ABCC4: variants seen among roughly 807,000 people sequenced by gnomAD.
ABCC4 encodes ATP-binding cassette sub-family C member 4.
Under a neutral mutation model 168.5 loss-of-function variants are expected in ABCC4, and 102 were observed. The ratio of observed to expected loss-of-function variants is 0.61; its 90% CI spans 0.52 to 0.71. The LOEUF (loss-of-function observed/expected upper bound fraction) is 0.71. Among genes scored for constraint, ABCC4 ranks in the 30% least tolerant of loss-of-function variants. The probability of loss-of-function intolerance (pLI) is 0.00; values close to 1 mark genes in which losing one functional copy is unlikely to be tolerated. For synonymous variants in ABCC4, 617 were observed against 590.7 expected, an observed-to-expected ratio of 1.04 and a Z score of -0.65; for missense variants, 1,402 against 1,605.8, an observed-to-expected ratio of 0.87 and a Z score of 2.17.
At chr13:95,057,280 G>A (rs1045738964) in intron 26 of ABCC4, among the ~76,000 whole-genome samples, 25 of 151,240 alleles carry the variant, frequency 1.7e-4, no homozygotes, top group African/African-American at 5.6e-4. Flanking sequence ...TCCCTCTGTC[G>A]CCAGGCTGGA....
chr13:95,292,476 C>T (rs73551407), intron 1 of ABCC4, among the ~76,000 whole-genome samples: 2,018 of 152,238 alleles, frequency 0.013, 39 homozygotes, highest in African/African-American at 0.046. Context: ...CAAAGGAGAG[C>T]GGCTCTGAAC....
At chr13:95,164,335 G>A (rs2037202623) in intron 16 of ABCC4, 43 bp downstream of exon 16, 3 of 1,610,180 alleles carry the variant, frequency 1.9e-6, no homozygotes, top group East Asian at 2.2e-5. Flanking sequence ...CATAGGTACT[G>A]TAAATATCAT....
chr13:95,182,658 G>A (rs1221469600), intron 11 of ABCC4, among the ~76,000 whole-genome samples: 1 of 152,206 alleles, frequency 6.6e-6, no homozygotes, highest in East Asian at 1.9e-4. Context: ...CCTCACAATA[G>A]CCTATGAGGT....
At chr13:95,198,485 T>C in intron 8 of ABCC4, among the ~76,000 whole-genome samples, 1 of 152,070 alleles carries the variant, frequency 6.6e-6, no homozygotes, top group East Asian at 1.9e-4. Context: ...TGTGGAGAAA[T>C]AGGAACACTT....
At chr13:95,179,249 A>G (rs1240970998) in intron 11 of ABCC4, among the ~76,000 whole-genome samples, 1 of 152,180 alleles carries the variant, frequency 6.6e-6, no homozygotes, top group Non-Finnish European at 1.5e-5. Context: ...CACCCGCCCC[A>G]TCTTCACAGT....
chr13:95,075,917 G>A (rs2033884118), intron 21 of ABCC4, among the ~76,000 whole-genome samples: 1 of 152,084 alleles, frequency 6.6e-6, no homozygotes, highest in Admixed American at 6.5e-5. Context: ...GAGCCAGTAG[G>A]ATTTTAAAAA....
chr13:95,157,649 C>T (rs939636575), intron 19 of ABCC4, among the ~76,000 whole-genome samples: 5 of 152,094 alleles, frequency 3.3e-5, no homozygotes, highest in African/African-American at 9.7e-5. Context: ...ATCAGGTTAA[C>T]GAAAGGCCAG....
At chr13:95,025,303 G>C (rs1243090294) in intron 30 of ABCC4, among the ~76,000 whole-genome samples, 1 of 4,838 alleles carries the variant, frequency 2.1e-4, no homozygotes, top group South Asian at 6.2e-3. Context: ...ACCCACATAC[G>C]CCCACCCCCC....
rs78634467 is a variant in ABCC4, at chr13:95,222,565, C to T, written c.532-11784G>A. Reference sequence around the variant, plus strand: ...GTGCTACAAGTCCTTGGCTGATGCGCGGGCACAGGTCAAGGCCGCCCAAGC... The same window carrying T: ...GTGCTACAAGTCCTTGGCTGATGCGTGGGCACAGGTCAAGGCCGCCCAAGC... On this transcript the variant is annotated intron_variant, in intron 4 of 30. Coordinates refer to ENST00000645237, the MANE Select transcript of ABCC4 (RefSeq NM_005845.5). Among the ~76,000 whole-genome samples the T allele has an allele frequency of 9.5e-4, 144 of 152,288 alleles. 1 individual carries two copies. The East Asian group carries it at 0.023, about 25-fold the overall frequency.
At position 95,196,453 on chromosome 13, in the gene ABCC4, T is replaced by C. The variant is rs2038417595; in HGVS notation, c.1162-1516A>G. On this transcript the variant is annotated intron_variant, in intron 8 of 30. Transcript: ENST00000645237. ...CCCTCCAAAATCCAGGTGGTGAAACTTAATGGCCAATGTGATGGTATTGAG... is the reference window on the plus strand; with the variant it reads ...CCCTCCAAAATCCAGGTGGTGAAACCTAATGGCCAATGTGATGGTATTGAG... Among the ~76,000 whole-genome samples the C allele has an allele frequency of 1.3e-5, 2 of 151,992 alleles. 1 individual carries two copies. The highest frequency in any genetic ancestry group is 4.2e-4 in the South Asian group (2 of 4,808).
chr13:95,053,207 G>T (rs539805049), intron 26 of ABCC4, 23 bp from the exon 27 acceptor site: 19 of 1,575,778 alleles, frequency 1.2e-5, no homozygotes, highest in Non-Finnish European at 1.7e-5. Context: ...AATAGTCACG[G>T]TCATTACCAC....
At chr13:95,271,472 C>G (rs567967848) in intron 1 of ABCC4, among the ~76,000 whole-genome samples, 3 of 152,186 alleles carry the variant, frequency 2.0e-5, no homozygotes, top group Non-Finnish European at 4.4e-5. Context: ...GAAGCCTACA[C>G]AGAGGTTGTT....
intron 13 of ABCC4, among the ~76,000 whole-genome samples, chr13:95,175,060 A>G (rs924781298): frequency 2.2e-4 from 34 of 152,228 alleles, no homozygotes; most frequent in Admixed American, 8.5e-4. Flanking sequence ...TACCAGGCAC[A>G]TTTTGCATAC....
chr13:95,236,363 C>T lies in ABCC4; in HGVS notation c.307-1529G>A, dbSNP rs1594353433. Among the ~76,000 whole-genome samples, 7 of 147,200 alleles carry T rather than the reference C, an allele frequency of 4.8e-5. 1 individual carries two copies. In the Middle Eastern group the frequency reaches 0.022, roughly 460 times the overall value. Reference sequence around the variant, plus strand: ...AACAACTTTTCCTTTTAAGCAATCTCTCCTTCTTAACAAAGACATAATAAA... The same window carrying T: ...AACAACTTTTCCTTTTAAGCAATCTTTCCTTCTTAACAAAGACATAATAAA... On this transcript the variant is annotated intron_variant, in intron 3 of 30. Coordinates refer to ENST00000645237, the MANE Select transcript of ABCC4 (RefSeq NM_005845.5).
intron 1 of ABCC4, among the ~76,000 whole-genome samples, chr13:95,297,013 G>A (rs7982319): frequency 0.035 from 5,389 of 152,248 alleles, 309 homozygotes; most frequent in African/African-American, 0.12. Flanking sequence ...GCTCACACCT[G>A]TAATCCCAGC....
chr13:95,273,096 G>A (rs1203604972), intron 1 of ABCC4, among the ~76,000 whole-genome samples: 1 of 152,082 alleles, frequency 6.6e-6, no homozygotes, highest in African/African-American at 2.4e-5. Context: ...TTTATCTATG[G>A]CAATTGATTT....
intron 4 of ABCC4, among the ~76,000 whole-genome samples, chr13:95,215,942 C>G (rs1321540797): frequency 6.6e-6 from 1 of 151,956 alleles, no homozygotes; most frequent in Non-Finnish European, 1.5e-5. Context: ...CAACAAAACA[C>G]TGCTCACATC....
intron 1 of ABCC4, among the ~76,000 whole-genome samples, chr13:95,265,870 A>G (rs2040655644): frequency 6.6e-6 from 1 of 152,174 alleles, no homozygotes; most frequent in African/African-American, 2.4e-5. Context: ...GCAGACTTAG[A>G]TAACTGTGAA....
intron 13 of ABCC4, among the ~76,000 whole-genome samples, chr13:95,176,873 C>T (rs923303104): frequency 2.0e-5 from 3 of 152,182 alleles, no homozygotes; most frequent in African/African-American, 4.8e-5. Context: ...TTCAAAAAGG[C>T]CAGTCTAGAC....
Sources: gnomAD v4.1 joint callset for allele counts (sites outside exome capture counted in the v4.1 genomes callset) on GRCh38, gnomAD v4.1.1 for gene constraint, MANE v1.5 for transcripts, NCBI Gene and HGNC (gene_info 2026-07-23, HGNC 2026-07-21) for gene names.